LDB2: variants seen among roughly 807,000 people sequenced by gnomAD.
The protein encoded by LDB2 is LIM domain-binding protein 2.
In LDB2, 12 loss-of-function variants were observed where a neutral mutation model predicts 44.3. The observed-to-expected ratio is 0.27, with a 90% CI of 0.17 to 0.44. The LOEUF (loss-of-function observed/expected upper bound fraction) is 0.44. Among genes scored for constraint, LDB2 ranks in the 20% least tolerant of loss-of-function variants. The pLI, the probability that LDB2 is intolerant of heterozygous loss-of-function variation, is 1.00. For missense variants in LDB2, 344 were observed against 473.5 expected, an observed-to-expected ratio of 0.73 and a Z score of 2.54; for synonymous variants, 164 against 174.8, an observed-to-expected ratio of 0.94 and a Z score of 0.49.
At chr4:16,574,109 A>AT (rs972700896) in intron 5 of LDB2, among the ~76,000 whole-genome samples, 8 of 152,202 alleles carry the variant, frequency 5.3e-5, no homozygotes, top group Non-Finnish European at 8.8e-5. Flanking sequence ...CGGAGGCTAC[A>AT]TGCAGGGACC....
chr4:16,648,388 G>C (rs1035519988), intron 2 of LDB2, among the ~76,000 whole-genome samples: 11 of 152,234 alleles, frequency 7.2e-5, no homozygotes, highest in African/African-American at 2.2e-4. Flanking sequence ...TCTGGGGAAA[G>C]AACATAGTCT....
intron 2 of LDB2, among the ~76,000 whole-genome samples, chr4:16,632,413 G>T (rs979191952): frequency 1.3e-5 from 2 of 152,106 alleles, no homozygotes; most frequent in Non-Finnish European, 2.9e-5. Flanking sequence ...AATAAATTAG[G>T]TATTGATGGA....
At chr4:16,737,280 G>T (rs1762086290) in intron 2 of LDB2, among the ~76,000 whole-genome samples, 1 of 151,946 alleles carries the variant, frequency 6.6e-6, no homozygotes, top group South Asian at 2.1e-4. Flanking sequence ...CCGGGCTGAA[G>T]TGCCGTGGTG....
At chr4:16,659,061 G>A (rs1039384426) in intron 2 of LDB2, among the ~76,000 whole-genome samples, 7 of 152,178 alleles carry the variant, frequency 4.6e-5, no homozygotes, top group African/African-American at 1.7e-4. Context: ...TTAAGGTTGG[G>A]GTTCTCTTTG....
chr4:16,888,709 T>C, intron 1 of LDB2: 1 of 984,742 alleles, frequency 1.0e-6, no homozygotes, highest in Non-Finnish European at 1.2e-6. Context: ...AGAATAAGTG[T>C]ATCGTCGTCA....
At chr4:16,511,890 A>T in intron 6 of LDB2, 91 bp downstream of exon 6, 1 of 1,393,108 alleles carries the variant, frequency 7.2e-7, no homozygotes, top group Non-Finnish European at 9.8e-7. Context: ...CTGATAAATT[A>T]ATGATCACTT....
intron 2 of LDB2, among the ~76,000 whole-genome samples, chr4:16,721,519 C>A (rs531771818): frequency 4.9e-4 from 74 of 152,206 alleles, no homozygotes; most frequent in African/African-American, 1.7e-3. Context: ...AAATTAGCAT[C>A]ATTTTTTTAA....
intron 1 of LDB2, chr4:16,888,725 G>A (rs1032424766): frequency 5.4e-5 from 53 of 983,526 alleles, no homozygotes; most frequent in African/African-American, 3.2e-4. Context: ...CGTCATCGTC[G>A]TCATCATCAT....
intron 1 of LDB2, among the ~76,000 whole-genome samples, chr4:16,779,571 G>C (rs1003013135): frequency 6.6e-6 from 1 of 152,158 alleles, no homozygotes; most frequent in South Asian, 2.1e-4. Flanking sequence ...GAGTAACCTG[G>C]AGAAAATGAA....
intron 5 of LDB2, among the ~76,000 whole-genome samples, chr4:16,539,346 C>A (rs990694164): frequency 2.0e-5 from 3 of 152,074 alleles, no homozygotes; most frequent in South Asian, 2.1e-4. Context: ...GGGAAATCAT[C>A]AAAAATTCAG....
At chr4:16,872,002 C>T (rs931745968) in intron 1 of LDB2, among the ~76,000 whole-genome samples, 14 of 152,026 alleles carry the variant, frequency 9.2e-5, no homozygotes, top group Non-Finnish European at 1.6e-4. Context: ...TCAATGAAAG[C>T]ATTTTGGGAG....
Position 16,634,694 on chromosome 4 carries a change from G to T in LDB2, c.236-38819C>A, listed in dbSNP as rs546078036. Among the ~76,000 whole-genome samples, 23 of 152,288 alleles carry T rather than the reference G, an allele frequency of 1.5e-4. 2 individuals carry two copies. In the South Asian group the frequency reaches 4.6e-3, roughly 30 times the overall value. The stretch of plus-strand genomic sequence containing the variant: ...AATAACACTTTTACACTGTTGGCGG[G>T]AGTGTAAATTAGTTCAACCATCGTG... On this transcript the variant is annotated intron_variant, in intron 2 of 7. Transcript: ENST00000304523.
intron 1 of LDB2, among the ~76,000 whole-genome samples, chr4:16,805,958 T>C (rs1034196869): frequency 6.6e-6 from 1 of 152,184 alleles, no homozygotes; most frequent in Non-Finnish European, 1.5e-5. Flanking sequence ...ACAGCCTCCA[T>C]GAAGCTGTCA....
At chr4:16,894,943 A>G (rs1017929286) in intron 1 of LDB2, among the ~76,000 whole-genome samples, 1 of 152,058 alleles carries the variant, frequency 6.6e-6, no homozygotes, top group Non-Finnish European at 1.5e-5. Context: ...AAGAAAAAAA[A>G]ACCTCAAAAC....
chr4:16,511,038 TG>T (rs924202296), intron 6 of LDB2, among the ~76,000 whole-genome samples: 2 of 152,184 alleles, frequency 1.3e-5, no homozygotes, highest in Non-Finnish European at 2.9e-5. Flanking sequence ...TCCCATAAGA[TG>T]GGGATGTAAC....
At chr4:16,557,122 G>C (rs142600452) in intron 5 of LDB2, among the ~76,000 whole-genome samples, 1 of 152,144 alleles carries the variant, frequency 6.6e-6, no homozygotes, top group Non-Finnish European at 1.5e-5. Flanking sequence ...GAACAGCGCC[G>C]GTCTATAGCT....
intron 2 of LDB2, 151 bp downstream of exon 2, chr4:16,759,007 A>G: frequency 1.8e-6 from 1 of 567,082 alleles, no homozygotes. Context: ...GCTGCCACCC[A>G]GTGACAATGA....
intron 2 of LDB2, among the ~76,000 whole-genome samples, chr4:16,728,058 G>C (rs1482960425): frequency 6.6e-6 from 1 of 152,156 alleles, no homozygotes; most frequent in South Asian, 2.1e-4. Context: ...GGGGGAACTG[G>C]AGGAATTTCT....
chr4:16,556,268 G>T (rs1203445618), intron 5 of LDB2, among the ~76,000 whole-genome samples: 1 of 152,178 alleles, frequency 6.6e-6, no homozygotes, highest in Non-Finnish European at 1.5e-5. Context: ...TATATTTCTA[G>T]CACCTAGCAC....
Sources: allele counts gnomAD v4.1 joint callset (sites outside exome capture counted in the v4.1 genomes callset), GRCh38; gene constraint gnomAD v4.1.1; transcripts MANE v1.5; gene names NCBI Gene and HGNC (gene_info 2026-07-23, HGNC 2026-07-21).